The following TNFRSF10C variants were observed in gnomAD, a reference collection of about 807,000 sequenced individuals.
The protein encoded by TNFRSF10C is TNF receptor superfamily member 10c, also known as tumor necrosis factor receptor superfamily member 10C.
In TNFRSF10C, 17 loss-of-function variants were observed where a neutral mutation model predicts 16.7. The observed-to-expected ratio is 1.02, with a 90% CI of 0.70 to 1.53. The LOEUF (loss-of-function observed/expected upper bound fraction) is 1.53. Among genes scored for constraint, TNFRSF10C ranks in the 40% most tolerant of loss-of-function variants. TNFRSF10C has a pLI of 0.00. For synonymous variants in TNFRSF10C, 73 were observed against 119.7 expected (o/e 0.61, Z 2.55); for missense variants, 237 against 329.7 (o/e 0.72, Z 2.18).
At position 23,114,711 on chromosome 8, in the gene TNFRSF10C, A is replaced by C. The variant is rs1459164787; in HGVS notation, c.221A>C (p.Asp74Ala). 1 of 1,613,998 alleles carries C rather than the reference A, an allele frequency of 6.2e-7. No individual in the cohort carries two copies. Among genetic ancestry groups the C allele is most frequent in the African/African-American group, 1.3e-5 (1 of 74,928 alleles). The change falls in exon 3 of 5, where the codon GAT (aspartate) becomes GCT (alanine). Residue 74 changes from aspartate to alanine, a missense_variant. By Grantham distance (126) the Asp-to-Ala change is moderately radical. Coordinates refer to ENST00000356864, the MANE Select transcript of TNFRSF10C (RefSeq NM_003841.5). ...TGTAACCCGTGCACAGAGGGTGTGG[A>C]TTACACCAACGCTTCCAACAATGAA... ...GACNPCTEGV[D>A]YTNASNNEPS...
rs191930177 is a variant in TNFRSF10C at position 23,103,147 on chromosome 8, A to G, written c.26A>G (p.Lys9Arg). 124 of 1,612,402 alleles carry G rather than the reference A, an allele frequency of 7.7e-5. 1 individual carries two copies. In the East Asian group the frequency reaches 2.7e-3, roughly 35 times the overall value. ...ATGGCCCGGATCCCCAAGACCCTAA[A>G]GTTCGTCGTCGTCATCGTCGCGGTC... is the stretch of plus-strand genomic sequence containing the variant. MARIPKTL[K>R]FVVVIVAVLL... Residue 9 changes from lysine (K) to arginine (R), a missense_variant, in exon 1 of 5, where the codon AAG (lysine) becomes AGG (arginine). By Grantham distance (26) the Lys-to-Arg change is conservative. Coordinates refer to ENST00000356864, the MANE Select transcript of TNFRSF10C (RefSeq NM_003841.5).
In TNFRSF10C at chr8:23,117,367, T is replaced by C. The variant is rs1814012601; in HGVS notation, c.*336T>C. On this transcript the variant is annotated 3_prime_UTR_variant, in exon 5 of 5. Coordinates refer to ENST00000356864, the MANE Select transcript of TNFRSF10C (RefSeq NM_003841.5). ...CCCAGCCAGGCAGGGGGCAGTCGGCTCCTCAACTGGGTGACAAGGGTGAGG... is the reference window on the plus strand; with the variant it reads ...CCCAGCCAGGCAGGGGGCAGTCGGCCCCTCAACTGGGTGACAAGGGTGAGG... The C allele has an allele frequency of 7.0e-6, 3 of 429,672 alleles. No individual in the cohort carries two copies. Among genetic ancestry groups the C allele is most frequent in the South Asian group, 3.2e-5 (1 of 31,310 alleles). 26.6% of individuals were successfully genotyped at this position (429,672 alleles called of 1,614,324 possible). A position where few individuals can be genotyped will look rare whatever the true frequency, so the allele number is the denominator to read the frequency against.
At chr8:23,115,053 G>C (rs1023096182) in intron 3 of TNFRSF10C, among the ~76,000 whole-genome samples, 1 of 152,160 alleles carries the variant, frequency 6.6e-6, no homozygotes, top group African/African-American at 2.4e-5. Context: ...TTTCAGTAGT[G>C]GCACGGGTCT....
chr8:23,111,483 G>A (rs150817007), intron 1 of TNFRSF10C, among the ~76,000 whole-genome samples: 1 of 151,068 alleles, frequency 6.6e-6, no homozygotes, highest in African/African-American at 2.4e-5. Context: ...CCACATTGCT[G>A]GGATTACAAG....
rs1407998884 is a variant in TNFRSF10C at position 23,117,228 on chromosome 8, C to T, written c.*197C>T. The T allele has an allele frequency of 2.5e-6, 2 of 808,594 alleles. No homozygotes were observed. The highest frequency in any genetic ancestry group is 3.8e-6 in the Non-Finnish European group (2 of 525,142). 50.1% of individuals were successfully genotyped at this position (808,594 alleles called of 1,614,324 possible). ...CCTCCTTGTGATCGTCCCATCCCCA[C>T]ATCCCGTGCACCCCCCAGGACCCTG... On this transcript the variant is annotated 3_prime_UTR_variant, in exon 5 of 5. Coordinates refer to ENST00000356864, the MANE Select transcript of TNFRSF10C (RefSeq NM_003841.5).
Position 23,117,103 on chromosome 8 carries a change from C to G in TNFRSF10C, c.*72C>G. On this transcript the variant is annotated 3_prime_UTR_variant, in exon 5 of 5. Transcript: ENST00000356864. ...GTAGGCGCTGGCTGAGGGCGGGGGG[C>G]GCTGGACACTCTCTGCCCTGCCTCC... is the stretch of plus-strand genomic sequence containing the variant. 6.4e-7 allele frequency: 1 copy of G among 1,564,216 alleles called. No individual in the cohort carries two copies. Among genetic ancestry groups the G allele is most frequent in the Non-Finnish European group, 8.6e-7 (1 of 1,157,914 alleles).
chr8:23,117,111 A>C lies in TNFRSF10C; in HGVS notation c.*80A>C, dbSNP rs1585250372. 1.9e-6 allele frequency: 3 copies of C among 1,553,344 alleles called. No homozygotes were observed. In the South Asian group the frequency reaches 3.7e-5, roughly 19 times the overall value. On this transcript the variant is annotated 3_prime_UTR_variant, in exon 5 of 5. Transcript: ENST00000356864. ...TGGCTGAGGGCGGGGGGCGCTGGAC[A>C]CTCTCTGCCCTGCCTCCCTCTGCTG...
At chr8:23,107,432 T>C (rs764597951) in intron 1 of TNFRSF10C, among the ~76,000 whole-genome samples, 2 of 152,200 alleles carry the variant, frequency 1.3e-5, no homozygotes, top group Non-Finnish European at 2.9e-5. Context: ...AGTTCCACAA[T>C]GTATACACAC....
chr8:23,104,773 C>T (rs1177115390), intron 1 of TNFRSF10C, among the ~76,000 whole-genome samples: 1 of 152,148 alleles, frequency 6.6e-6, no homozygotes, highest in African/African-American at 2.4e-5. Context: ...ATTTTTGTTT[C>T]CTCATGGTAT....
intron 1 of TNFRSF10C, 54 bp from the exon 2 acceptor site, chr8:23,111,666 G>C: frequency 7.2e-7 from 1 of 1,392,424 alleles, no homozygotes; most frequent in South Asian, 1.2e-5. Context: ...GATGGAGCCT[G>C]GGAGGGGTGA....
chr8:23,111,588 A>G (rs1813879192), intron 1 of TNFRSF10C, 132 bp from the exon 2 acceptor site: 3 of 724,112 alleles, frequency 4.1e-6, no homozygotes, highest in South Asian at 3.3e-5. Context: ...TGAAAGAATG[A>G]AAGTTTGGAG....
At position 23,114,214 on chromosome 8, in the gene TNFRSF10C, T is replaced by C. The variant is rs541380419; in HGVS notation, c.167-443T>C. ...GAGCGAAGACAGGGGGCCACTGTGG[T>C]GAGTGGACAGCAAACAGGTCAGGTG... On this transcript the variant is annotated intron_variant, in intron 2 of 4. Coordinates refer to ENST00000356864, the MANE Select transcript of TNFRSF10C (RefSeq NM_003841.5). Among the ~76,000 whole-genome samples the C allele has an allele frequency of 3.3e-5, 5 of 151,936 alleles. No individual in the cohort carries two copies. The South Asian group carries it at 1.0e-3, about 31-fold the overall frequency.
intron 1 of TNFRSF10C, among the ~76,000 whole-genome samples, chr8:23,106,851 G>C (rs941424294): frequency 4.6e-5 from 7 of 151,996 alleles, no homozygotes; most frequent in African/African-American, 1.7e-4. Flanking sequence ...GCGGAGTGTG[G>C]TGGCGGGTGC....
rs1357117031 is a variant in TNFRSF10C at position 23,103,190 on chromosome 8, C to A, written c.60+9C>A. ...TCGCGGTCCTGCTGCCAGTGAGTCC[C>A]GGCCGCGGTCCCTGGCTGGGGAAGA... On this transcript the variant is annotated intron_variant, in intron 1 of 4. Coordinates refer to ENST00000356864, the MANE Select transcript of TNFRSF10C (RefSeq NM_003841.5). 6.2e-7 allele frequency: 1 copy of A among 1,608,982 alleles called. No individual in the cohort carries two copies. The highest frequency in any genetic ancestry group is 2.2e-5 in the East Asian group (1 of 44,728).
intron 1 of TNFRSF10C, among the ~76,000 whole-genome samples, chr8:23,105,577 G>A (rs921489979): frequency 6.6e-6 from 1 of 152,200 alleles, no homozygotes; most frequent in Admixed American, 6.5e-5. Context: ...TCTGGTAGGC[G>A]CCTGGCCCGG....
At position 23,111,812 on chromosome 8, in the gene TNFRSF10C, G is replaced by A. The variant is rs755286713; in HGVS notation, c.153G>A (p.Glu51=). The A allele has an allele frequency of 6.2e-7, 1 of 1,614,058 alleles. No individual in the cohort carries two copies. Among genetic ancestry groups the A allele is most frequent in the South Asian group, 1.1e-5 (1 of 91,076 alleles). The part of the protein sequence containing the change: ...PQQQRHSFKG[E]ECPAGSHRSE... ...AACAGAGGCACAGCTTCAAGGGGGA[G>A]GAGTGTCCAGCAGGTGCACTCTTAT... is the stretch of plus-strand genomic sequence containing the variant. Residue 51 remains glutamate (E), a synonymous_variant, in exon 2 of 5, where the codon GAG becomes GAA. Transcript: ENST00000356864.
At position 23,117,119 on chromosome 8, in the gene TNFRSF10C, C is replaced by A; in HGVS notation, c.*88C>A. 1.3e-6 allele frequency: 2 copies of A among 1,541,704 alleles called. No individual in the cohort carries two copies. The highest frequency in any genetic ancestry group is 1.2e-5 in the South Asian group (1 of 80,680). On this transcript the variant is annotated 3_prime_UTR_variant, in exon 5 of 5. Coordinates refer to ENST00000356864, the MANE Select transcript of TNFRSF10C (RefSeq NM_003841.5). The stretch of plus-strand genomic sequence containing the variant: ...GGCGGGGGGCGCTGGACACTCTCTG[C>A]CCTGCCTCCCTCTGCTGTGTTCCCA...
At chr8:23,104,981 G>C (rs1458008920) in intron 1 of TNFRSF10C, among the ~76,000 whole-genome samples, 1 of 152,210 alleles carries the variant, frequency 6.6e-6, no homozygotes, top group East Asian at 1.9e-4. Flanking sequence ...CTTCAGATGA[G>C]CCTGGAGCTG....
At chr8:23,112,256 T>TA (rs1221277417) in intron 2 of TNFRSF10C, among the ~76,000 whole-genome samples, 3 of 151,918 alleles carry the variant, frequency 2.0e-5, no homozygotes, top group African/African-American at 7.3e-5. Context: ...ATTTAAAGCA[T>TA]ATGTGCGTGG....
Sources: gnomAD v4.1 joint callset for allele counts (sites outside exome capture counted in the v4.1 genomes callset) on GRCh38, gnomAD v4.1.1 for gene constraint, MANE v1.5 for transcripts, NCBI Gene and HGNC (gene_info 2026-07-23, HGNC 2026-07-21) for gene names.